Variants in CEP126 observed in about 807,000 individuals in gnomAD.
The protein encoded by CEP126 is centrosomal protein 126, also known as centrosomal protein of 126 kDa.
A neutral mutation model predicts 107.8 loss-of-function variants in CEP126; 74 were observed. That is an observed-to-expected ratio of 0.69 (90% confidence interval 0.57 to 0.83). The LOEUF is 0.83. Ranked by LOEUF, CEP126 falls within the 40% of genes least tolerant of loss-of-function variation. CEP126 has a pLI of 0.00. For missense variants in CEP126, 1,237 were observed against 1,281.9 expected (o/e 0.96, Z 0.53); for synonymous variants, 449 against 446.0 (o/e 1.01, Z -0.08).
chr11:101,933,814 AC>A (rs150633052), intron 2 of CEP126, among the ~76,000 whole-genome samples: 8,723 of 122,470 alleles, frequency 0.071, 455 homozygotes, highest in East Asian at 0.32. Context: ...CACCCCCGAG[AC>A]CCCCCCCCCA....
intron 10 of CEP126, among the ~76,000 whole-genome samples, chr11:101,995,874 A>G (rs1941435843): frequency 6.6e-6 from 1 of 152,238 alleles, no homozygotes; most frequent in Non-Finnish European, 1.5e-5. Context: ...TTTATTAAAT[A>G]TTAAGTACCG....
At chr11:101,970,788 T>C (rs2137118890) in intron 6 of CEP126, among the ~76,000 whole-genome samples, 1 of 152,274 alleles carries the variant, frequency 6.6e-6, no homozygotes, top group East Asian at 1.9e-4. Context: ...ACTTTAAATA[T>C]TGAAACAAAG....
intron 6 of CEP126, among the ~76,000 whole-genome samples, chr11:101,967,435 C>G (rs1329351097): frequency 1.3e-5 from 2 of 152,186 alleles, no homozygotes; most frequent in Non-Finnish European, 2.9e-5. Flanking sequence ...TTTGCTTTTT[C>G]TCTGCCTTCT....
chr11:101,940,067 A>G (rs1940643194), intron 2 of CEP126, among the ~76,000 whole-genome samples: 3 of 152,216 alleles, frequency 2.0e-5, no homozygotes, highest in South Asian at 4.1e-4. Flanking sequence ...AGTGCTCTAA[A>G]AGAAAAATAC....
Position 101,974,165 on chromosome 11 carries a change from A to G in CEP126, c.2846-4182A>G, listed in dbSNP as rs74917646. ...ACACACACACACACACAAAGCAAAA[A>G]AGGTTTACCATAGCTGTTACAAGGT... is the stretch of plus-strand genomic sequence containing the variant. On this transcript the variant is annotated intron_variant, in intron 6 of 10. Transcript: ENST00000263468. Among the ~76,000 whole-genome samples, 1,043 of 151,990 alleles carry G rather than the reference A, an allele frequency of 6.9e-3. 12 individuals carry two copies. The highest frequency in any genetic ancestry group is 0.024 in the African/African-American group (989 of 41,464).
intron 6 of CEP126, among the ~76,000 whole-genome samples, chr11:101,965,578 C>T (rs879810795): frequency 1.3e-5 from 2 of 151,960 alleles, no homozygotes; most frequent in Non-Finnish European, 2.9e-5. Flanking sequence ...TTTTTTTATC[C>T]AGTCATTTCA....
intron 9 of CEP126, among the ~76,000 whole-genome samples, chr11:101,989,830 G>A (rs1194238757): frequency 1.3e-5 from 2 of 152,088 alleles, no homozygotes; most frequent in Admixed American, 6.5e-5. Flanking sequence ...CGTGGTGGTG[G>A]GTGCCTGTAG....
At chr11:101,981,530 T>C (rs561424625) in intron 7 of CEP126, among the ~76,000 whole-genome samples, 110 of 152,240 alleles carry the variant, frequency 7.2e-4, no homozygotes, top group African/African-American at 2.4e-3. Flanking sequence ...CCTGACCTTG[T>C]CATCTGCCCA....
intron 8 of CEP126, among the ~76,000 whole-genome samples, chr11:101,985,338 A>G (rs1361609043): frequency 6.6e-6 from 1 of 151,792 alleles, no homozygotes; most frequent in Non-Finnish European, 1.5e-5. Flanking sequence ...GCTGAAGTGC[A>G]ATGGTGCAAT....
chr11:101,992,752 T>G lies in CEP126; in HGVS notation c.3245-26T>G, dbSNP rs376760506. 7.4e-6 allele frequency: 9 copies of G among 1,210,930 alleles called. No homozygotes were observed. The African/African-American group carries it at 1.4e-4, about 19-fold the overall frequency. The allele number at this position is 1,210,930 out of a possible 1,614,324, so 75.0% of individuals were successfully genotyped here. On this transcript the variant is annotated intron_variant, in intron 9 of 10. Coordinates refer to ENST00000263468, the MANE Select transcript of CEP126 (RefSeq NM_020802.4). ...TTTCTATATATGTAACTAAATTATTTTGGTATTGTGATATAATTATTTCAG... is the reference window on the plus strand; with the variant it reads ...TTTCTATATATGTAACTAAATTATTGTGGTATTGTGATATAATTATTTCAG...
chr11:101,963,324 A>T lies in CEP126; in HGVS notation c.2289A>T (p.Ala763=). 6.2e-7 allele frequency: 1 copy of T among 1,613,906 alleles called. No individual in the cohort carries two copies. Among genetic ancestry groups the T allele is most frequent in the Non-Finnish European group, 8.5e-7 (1 of 1,179,984 alleles). Residue 763 remains alanine, a synonymous_variant, in exon 6 of 11, where the codon GCA becomes GCT. Transcript: ENST00000263468. ...AAATAATTAGAAAACCAGGATCTGCAAAAGTCCAATCAGGCTTTATATGTA... is the reference window on the plus strand; with the variant it reads ...AAATAATTAGAAAACCAGGATCTGCTAAAGTCCAATCAGGCTTTATATGTA... ...RAKIIRKPGS[A]KVQSGFICTN...
chr11:101,956,867 G>T (rs1426004922), intron 4 of CEP126: 7 of 376,638 alleles, frequency 1.9e-5, no homozygotes, highest in Non-Finnish European at 3.1e-5. Flanking sequence ...GGGGAAGAAA[G>T]TAGAGAAGAG....
Position 101,958,301 on chromosome 11 carries a change from G to A in CEP126, c.640G>A (p.Val214Met), listed in dbSNP as rs753773690. The change falls in exon 5 of 11, where the codon GTG (valine) becomes ATG (methionine). Residue 214 changes from valine to methionine, a missense_variant. Val to Met is a conservative substitution (Grantham distance 21, BLOSUM62 1). This residue lies in a region of CEP126 where 1,134 missense variants were observed against 1,150.5 expected (regional missense o/e 0.99). Coordinates refer to ENST00000263468, the MANE Select transcript of CEP126 (RefSeq NM_020802.4). Reference sequence around the variant, plus strand: ...GGCAACCTTGGCTACTAGCAAAAATGTGTTCCAGCTTAAACTGGAGGAAAC... The same window carrying A: ...GGCAACCTTGGCTACTAGCAAAAATATGTTCCAGCTTAAACTGGAGGAAAC... ...MRATLATSKNVFQLKLEETQK... is the reference protein window; with the variant it reads ...MRATLATSKNMFQLKLEETQK... The A allele has an allele frequency of 4.3e-6, 7 of 1,614,000 alleles. No homozygotes were observed. The highest frequency in any genetic ancestry group is 5.9e-6 in the Non-Finnish European group (7 of 1,179,928).
At position 101,975,332 on chromosome 11, in the gene CEP126, T is replaced by C. The variant is rs572416881; in HGVS notation, c.2846-3015T>C. Among the ~76,000 whole-genome samples the C allele has an allele frequency of 1.7e-3, 265 of 152,354 alleles. 1 individual carries two copies. Among genetic ancestry groups the C allele is most frequent in the African/African-American group, 6.2e-3 (257 of 41,594 alleles). ...GAATGGAAACTACCAGACGGTATCA[T>C]ACGTTGTGAGGATAAATATATTTTA... is the stretch of plus-strand genomic sequence containing the variant. On this transcript the variant is annotated intron_variant, in intron 6 of 10. Coordinates refer to ENST00000263468, the MANE Select transcript of CEP126 (RefSeq NM_020802.4).
At chr11:101,979,084 G>T (rs1941226094) in intron 7 of CEP126, among the ~76,000 whole-genome samples, 2 of 151,834 alleles carry the variant, frequency 1.3e-5, no homozygotes, top group Admixed American at 1.3e-4. Context: ...GTGAGCTGAG[G>T]TCGCATCATT....
chr11:101,945,325 T>C (rs1940720111), intron 3 of CEP126, among the ~76,000 whole-genome samples: 1 of 152,138 alleles, frequency 6.6e-6, no homozygotes, highest in African/African-American at 2.4e-5. Flanking sequence ...AAATTATGTA[T>C]TTCAGTGTAT....
At chr11:101,975,200 C>T (rs950292290) in intron 6 of CEP126, among the ~76,000 whole-genome samples, 1 of 151,998 alleles carries the variant, frequency 6.6e-6, no homozygotes, top group Non-Finnish European at 1.5e-5. Flanking sequence ...AAGCATAATA[C>T]AGTGCTTTTT....
chr11:101,987,334 C>T (rs1013850471), intron 9 of CEP126, among the ~76,000 whole-genome samples: 2 of 152,088 alleles, frequency 1.3e-5, no homozygotes, highest in African/African-American at 4.8e-5. Context: ...ATCAAAACAA[C>T]CATAAATCCT....
At position 101,997,650 on chromosome 11, in the gene CEP126, C is replaced by A. The variant is rs1490846248; in HGVS notation, c.*7C>A. 1.2e-6 allele frequency: 2 copies of A among 1,613,786 alleles called. No individual in the cohort carries two copies. Among genetic ancestry groups the A allele is most frequent in the Admixed American group, 1.7e-5 (1 of 60,016 alleles). ...CTGCAGAGACAAGAGATAATTCCAG[C>A]AGAATCCGTCTAAGAAGACCTTTCA... On this transcript the variant is annotated 3_prime_UTR_variant, in exon 11 of 11. Transcript: ENST00000263468.
Sources: gnomAD v4.1 joint callset for allele counts (sites outside exome capture counted in the v4.1 genomes callset) on GRCh38, gnomAD v4.1.1 for gene constraint, gnomAD v4.1.1 regional missense constraint, MANE v1.5 for transcripts, NCBI Gene and HGNC (gene_info 2026-07-23, HGNC 2026-07-21) for gene names.